The following CHN2 variants were observed in gnomAD, a reference collection of about 807,000 sequenced individuals.
CHN2 encodes chimerin 2.
Under a neutral mutation model 56.3 loss-of-function variants are expected in CHN2, and 35 were observed. The ratio of observed to expected loss-of-function variants is 0.62; its 90% CI spans 0.47 to 0.82. The LOEUF is 0.82. CHN2 is among the 40% of genes least tolerant of loss of function. CHN2 has a pLI of 0.00. For synonymous variants in CHN2, 210 were observed against 212.8 expected (o/e 0.99, Z 0.12); for missense variants, 491 against 580.5 (o/e 0.85, Z 1.58).
chr7:29,511,135 T>C (rs1349597260), intron 12 of CHN2, among the ~76,000 whole-genome samples: 1 of 32,656 alleles, frequency 3.1e-5, no homozygotes, highest in Non-Finnish European at 7.7e-5. Context: ...CTACTTAGTA[T>C]GTGAAAAGAA....
At chr7:29,222,282 C>A (rs530641023) in intron 1 of CHN2, among the ~76,000 whole-genome samples, 1 of 152,312 alleles carries the variant, frequency 6.6e-6, no homozygotes, top group African/African-American at 2.4e-5. Flanking sequence ...AATGACCATA[C>A]TGCCCAAAGT....
rs1284926884 is a variant in CHN2, at chr7:29,264,216, A to G, written c.49+69226A>G. Reference sequence around the variant, plus strand: ...AAGTGAGGAGCCCCTCTGCCCGGCCACCACCCCGTCTGGGAGGTGGGGGGC... The same window carrying G: ...AAGTGAGGAGCCCCTCTGCCCGGCCGCCACCCCGTCTGGGAGGTGGGGGGC... On this transcript the variant is annotated intron_variant, in intron 1 of 12. Coordinates refer to ENST00000222792, the MANE Select transcript of CHN2 (RefSeq NM_004067.4). 1.5e-4 allele frequency among the ~76,000 whole-genome samples: 17 copies of G among 114,788 alleles called. 1 individual carries two copies. Among genetic ancestry groups the G allele is most frequent in the East Asian group, 1.2e-3 (4 of 3,472 alleles). 75.3% of individuals were successfully genotyped at this position (114,788 alleles called of 152,430 possible). A position where few individuals can be genotyped will look rare whatever the true frequency, so the allele number is the denominator to read the frequency against.
intron 2 of CHN2, chr7:29,147,177 G>T: frequency 1.6e-6 from 1 of 628,528 alleles, no homozygotes; most frequent in East Asian, 2.9e-5. Context: ...CATCGAGCCA[G>T]ACAGTACGGG....
intron 1 of CHN2, among the ~76,000 whole-genome samples, chr7:29,310,824 T>C (rs1254053677): frequency 5.9e-5 from 9 of 152,296 alleles, no homozygotes; most frequent in South Asian, 2.1e-4. Context: ...TCCACCCTCA[T>C]GACCTAATCA....
chr7:29,470,754 C>T (rs957405294), intron 6 of CHN2, among the ~76,000 whole-genome samples: 1 of 152,128 alleles, frequency 6.6e-6, no homozygotes, highest in Non-Finnish European at 1.5e-5. Flanking sequence ...TCCCAGGCTC[C>T]CCTGAGTGAG....
chr7:29,156,926 C>G (rs569874122), intron 2 of CHN2, among the ~76,000 whole-genome samples: 3 of 152,214 alleles, frequency 2.0e-5, no homozygotes, highest in East Asian at 3.9e-4. Context: ...AATTTTAACA[C>G]AAGAAAAGAC....
At chr7:29,444,779 T>G (rs1423906384) in intron 6 of CHN2, among the ~76,000 whole-genome samples, 1 of 152,230 alleles carries the variant, frequency 6.6e-6, no homozygotes, top group Non-Finnish European at 1.5e-5. Context: ...TAGCCATCTA[T>G]GCAGACAACT....
intron 1 of CHN2, among the ~76,000 whole-genome samples, chr7:29,348,247 T>C (rs1797616272): frequency 6.6e-6 from 1 of 152,164 alleles, no homozygotes; most frequent in Admixed American, 6.5e-5. Flanking sequence ...GAATTCTTTG[T>C]TTTCCCTCAA....
chr7:29,191,557 T>C (rs1342522902), upstream of CHN2: 1 of 152,228 alleles, frequency 6.6e-6, no homozygotes, highest in Non-Finnish European at 1.5e-5. Flanking sequence ...TTGGAAGGCT[T>C]TGAATGCCAG....
At chr7:29,427,824 T>A (rs1805036269) in intron 6 of CHN2, among the ~76,000 whole-genome samples, 1 of 151,828 alleles carries the variant, frequency 6.6e-6, no homozygotes, top group African/African-American at 2.4e-5. Context: ...GCCCAGATAA[T>A]TTTTGTATTT....
chr7:29,349,982 T>C (rs1370716050), intron 1 of CHN2, among the ~76,000 whole-genome samples: 1 of 152,248 alleles, frequency 6.6e-6, no homozygotes, highest in Admixed American at 6.5e-5. Context: ...AGATGGAATA[T>C]GTTCCACCAT....
At chr7:29,285,560 T>C (rs566013129) in intron 1 of CHN2, among the ~76,000 whole-genome samples, 4 of 152,338 alleles carry the variant, frequency 2.6e-5, no homozygotes, top group African/African-American at 9.6e-5. Flanking sequence ...ACATTTGCTT[T>C]TTCGCAACCA....
chr7:29,178,677 A>G (rs73306227), intron 2 of CHN2, among the ~76,000 whole-genome samples: 38 of 152,342 alleles, frequency 2.5e-4, no homozygotes, highest in African/African-American at 9.1e-4. Context: ...CTCAGGGTCT[A>G]TACCTATGCC....
At chr7:29,311,082 G>T (rs1244877067) in intron 1 of CHN2, among the ~76,000 whole-genome samples, 2 of 152,140 alleles carry the variant, frequency 1.3e-5, no homozygotes, top group Middle Eastern at 3.2e-3. Context: ...CCTTCCTACT[G>T]CACACTTAAT....
At chr7:29,415,758 G>C (rs1158734716) in intron 6 of CHN2, among the ~76,000 whole-genome samples, 1 of 152,214 alleles carries the variant, frequency 6.6e-6, no homozygotes, top group Non-Finnish European at 1.5e-5. Context: ...ATTGGTGGCA[G>C]GGTAGAGGAT....
intron 9 of CHN2, among the ~76,000 whole-genome samples, chr7:29,502,988 G>C (rs1790143423): frequency 1.3e-5 from 2 of 152,088 alleles, no homozygotes; most frequent in Non-Finnish European, 2.9e-5. Context: ...TTATGAGTGA[G>C]AACAAAAGCA....
At chr7:29,447,992 C>T (rs1165881874) in intron 6 of CHN2, among the ~76,000 whole-genome samples, 1 of 152,166 alleles carries the variant, frequency 6.6e-6, no homozygotes, top group East Asian at 1.9e-4. Context: ...TTTTTAAGAG[C>T]TTGGCAATTC....
intron 6 of CHN2, among the ~76,000 whole-genome samples, chr7:29,460,109 C>T (rs1334039357): frequency 6.6e-6 from 1 of 152,160 alleles, no homozygotes; most frequent in African/African-American, 2.4e-5. Flanking sequence ...GCTTTCACCC[C>T]CAGAGATTCT....
chr7:29,338,545 C>A (rs1375672449), intron 1 of CHN2, among the ~76,000 whole-genome samples: 11 of 152,106 alleles, frequency 7.2e-5, no homozygotes, highest in African/African-American at 2.7e-4. Flanking sequence ...TACAATGGGA[C>A]TAATAATACC....
Sources: allele counts gnomAD v4.1 joint callset (sites outside exome capture counted in the v4.1 genomes callset), GRCh38; gene constraint gnomAD v4.1.1; transcripts MANE v1.5; gene names NCBI Gene and HGNC (gene_info 2026-07-23, HGNC 2026-07-21).